PRKCZ: variants seen among roughly 807,000 people sequenced by gnomAD.
The protein encoded by PRKCZ is protein kinase C zeta, also known as protein kinase C zeta type.
A neutral mutation model predicts 79.5 loss-of-function variants in PRKCZ; 33 were observed. The ratio of observed to expected loss-of-function variants is 0.41; its 90% CI spans 0.31 to 0.55. PRKCZ has a LOEUF of 0.55. Ranked by LOEUF, PRKCZ falls within the 20% of genes least tolerant of loss-of-function variation. PRKCZ has a pLI of 0.19. For missense variants in PRKCZ, 578 were observed against 813.5 expected, an observed-to-expected ratio of 0.71 and a Z score of 3.52; for synonymous variants, 342 against 320.9, an observed-to-expected ratio of 1.07 and a Z score of -0.70.
intron 3 of PRKCZ, among the ~76,000 whole-genome samples, chr1:2,058,305 A>AGTTTTTTTTTTTTT: frequency 7.1e-6 from 1 of 140,294 alleles, no homozygotes; most frequent in African/African-American, 2.9e-5. Context: ...GCCCGGCCCC[A>AGTTTTTTTTTTTTT]ATTTTTTTTT....
intron 7 of PRKCZ, 122 bp downstream of exon 7, chr1:2,146,230 G>T (rs1678485043): frequency 2.1e-6 from 2 of 962,054 alleles, no homozygotes; most frequent in East Asian, 2.6e-5. Context: ...TTGTCTTCAA[G>T]CCTGGCCACC....
At chr1:2,157,720 T>TG (rs1034761372) in intron 10 of PRKCZ, among the ~76,000 whole-genome samples, 2 of 151,226 alleles carry the variant, frequency 1.3e-5, no homozygotes, top group Non-Finnish European at 2.9e-5. Flanking sequence ...GAGTTTTTTT[T>TG]TTTTTTTTTT....
intron 6 of PRKCZ, 49 bp from the exon 7 acceptor site, chr1:2,145,978 A>G (rs761959958): frequency 2.7e-6 from 4 of 1,499,236 alleles, no homozygotes. Flanking sequence ...ACATTGTAAC[A>G]CCTGCTCTAG....
chr1:2,185,039 G>GT lies in PRKCZ; in HGVS notation c.*31dup, dbSNP rs758817662. ...GCGTGCGTCTCTGTCGTGGACACGC[G>GT]TGATTGACCCTTTAACTGTATCCTT... is the stretch of plus-strand genomic sequence containing the variant. On this transcript the variant is annotated 3_prime_UTR_variant, in exon 18 of 18. Coordinates refer to ENST00000378567, the MANE Select transcript of PRKCZ (RefSeq NM_002744.6). 36 of 1,569,968 alleles carry GT rather than the reference G, an allele frequency of 2.3e-5. No homozygotes were observed. The highest frequency in any genetic ancestry group is 3.1e-5 in the Non-Finnish European group (36 of 1,147,448).
intron 1 of PRKCZ, among the ~76,000 whole-genome samples, chr1:2,051,565 G>C (rs1198404716): frequency 6.6e-6 from 1 of 152,222 alleles, no homozygotes; most frequent in East Asian, 1.9e-4. Flanking sequence ...TGCGGGCTCC[G>C]GACTTGCACT....
intron 4 of PRKCZ, among the ~76,000 whole-genome samples, chr1:2,060,129 C>T (rs570628978): frequency 2.0e-5 from 3 of 152,254 alleles, no homozygotes; most frequent in Non-Finnish European, 4.4e-5. Flanking sequence ...TCTCGGGCCG[C>T]GCATCCCATG....
intron 3 of PRKCZ, among the ~76,000 whole-genome samples, chr1:2,058,818 C>T (rs1171500083): frequency 6.6e-6 from 1 of 152,146 alleles, no homozygotes; most frequent in Non-Finnish European, 1.5e-5. Flanking sequence ...ACTGCTGGAA[C>T]CCGAGAGGTG....
In PRKCZ at chr1:2,168,935, C is replaced by T. The variant is rs1337238505; in HGVS notation, c.975-583C>T. 1.5e-5 allele frequency: 5 copies of T among 332,846 alleles called. No homozygotes were observed. Among genetic ancestry groups the T allele is most frequent in the Non-Finnish European group, 2.5e-5 (4 of 163,198 alleles). The allele number at this position is 332,846 out of a possible 1,614,324, so 20.6% of individuals were successfully genotyped here. A position where few individuals can be genotyped will look rare whatever the true frequency, so the allele number is the denominator to read the frequency against. ...GGCCCAGTCCCTGAGACGGGAAGGG[C>T]CTGCGTGGTCCTGATGACATCTGCG... On this transcript the variant is annotated intron_variant, in intron 10 of 17. Transcript: ENST00000378567. The surrounding 1 kb of genome is among the most constrained non-coding windows in gnomAD (Gnocchi z 4.7).
At chr1:2,061,285 C>T (rs1660650924) in intron 4 of PRKCZ, among the ~76,000 whole-genome samples, 1 of 152,182 alleles carries the variant, frequency 6.6e-6, no homozygotes, top group Admixed American at 6.5e-5. Context: ...TGCCTGGGGG[C>T]CTGGGGTCTG....
At chr1:2,080,898 G>T (rs2102387434) in intron 4 of PRKCZ, among the ~76,000 whole-genome samples, 1 of 152,292 alleles carries the variant, frequency 6.6e-6, no homozygotes, top group African/African-American at 2.4e-5. Flanking sequence ...CCCTTCGCTG[G>T]GGTTTGCCTC....
chr1:2,177,554 C>T lies in PRKCZ; in HGVS notation c.1575+2241C>T, dbSNP rs1161531808. On this transcript the variant is annotated intron_variant, in intron 16 of 17. Coordinates refer to ENST00000378567, the MANE Select transcript of PRKCZ (RefSeq NM_002744.6). The surrounding 1 kb of genome is among the most constrained non-coding windows in gnomAD (Gnocchi z 6.4). ...TGTGGAGTGACGGGCTCCTTCTCTT[C>T]GGAGCACTGTCTAATCTGAGTGTGA... 1.3e-5 allele frequency among the ~76,000 whole-genome samples: 2 copies of T among 152,186 alleles called. No homozygotes were observed. Among genetic ancestry groups the T allele is most frequent in the African/African-American group, 4.8e-5 (2 of 41,440 alleles).
chr1:2,145,220 T>G (rs559590236), intron 6 of PRKCZ: 1 of 152,398 alleles, frequency 6.6e-6, no homozygotes, highest in South Asian at 2.1e-4. Context: ...TAGGTCCACT[T>G]TAGCGTAAGC....
At position 2,121,729 on chromosome 1, in the gene PRKCZ, T is replaced by TGGTTAGGGTC. The variant is rs1672084240; in HGVS notation, c.335-13533_335-13532insGGTTAGGGTC. ...ACGGTGGTAGTTAGGGTCACGGCGG[T>TGGTTAGGGTC]ACTTAGGGTCACGGCGGTGGTTAGG... On this transcript the variant is annotated intron_variant, in intron 4 of 17. Coordinates refer to ENST00000378567, the MANE Select transcript of PRKCZ (RefSeq NM_002744.6). Among the ~76,000 whole-genome samples the TGGTTAGGGTC allele has an allele frequency of 5.8e-5, 4 of 69,104 alleles. 2 individuals are homozygous for TGGTTAGGGTC. The highest frequency in any genetic ancestry group is 2.6e-4 in the African/African-American group (4 of 15,098). 45.3% of individuals were successfully genotyped at this position (69,104 alleles called of 152,430 possible). A position where few individuals can be genotyped will look rare whatever the true frequency, so the allele number is the denominator to read the frequency against.
intron 2 of PRKCZ, 157 bp downstream of exon 2, chr1:2,055,719 G>A: frequency 2.6e-6 from 3 of 1,162,846 alleles, no homozygotes; most frequent in Non-Finnish European, 3.5e-6. Context: ...GGGATGGTGG[G>A]AAAGAGGTTG....
chr1:2,055,428 C>T lies in PRKCZ; in HGVS notation c.72-13C>T, dbSNP rs117071533. ...CCCCACGGTAACAGATGCCCATGTCCCCTCTGCCCCAGGGACATCTTCATC... is the reference window on the plus strand; with the variant it reads ...CCCCACGGTAACAGATGCCCATGTCTCCTCTGCCCCAGGGACATCTTCATC... On this transcript the variant is annotated splice_polypyrimidine_tract_variant and intron_variant, in intron 1 of 17. Coordinates refer to ENST00000378567, the MANE Select transcript of PRKCZ (RefSeq NM_002744.6). The T allele has an allele frequency of 7.1e-5, 114 of 1,597,264 alleles. No homozygotes were observed. The East Asian group carries it at 2.5e-3, about 35-fold the overall frequency.
intron 4 of PRKCZ, chr1:2,073,684 C>T (rs905553061): frequency 1.7e-5 from 17 of 992,406 alleles, no homozygotes; most frequent in Middle Eastern, 5.1e-4. Flanking sequence ...TACAGCTTCC[C>T]GGGGGAGCCG....
intron 5 of PRKCZ, chr1:2,143,638 C>G (rs1677866264): frequency 6.6e-6 from 1 of 152,264 alleles, no homozygotes; most frequent in African/African-American, 2.4e-5. Flanking sequence ...TGGAATTGTT[C>G]AGAACCATGA....
At chr1:2,134,528 T>TG (rs1436550247) in intron 4 of PRKCZ, among the ~76,000 whole-genome samples, 1 of 152,212 alleles carries the variant, frequency 6.6e-6, no homozygotes, top group African/African-American at 2.4e-5. Flanking sequence ...GCCGTCTGGT[T>TG]ACAGGCTTGG....
At chr1:2,139,877 C>T (rs1253248191) in intron 5 of PRKCZ, among the ~76,000 whole-genome samples, 1 of 152,218 alleles carries the variant, frequency 6.6e-6, no homozygotes, top group Non-Finnish European at 1.5e-5. Flanking sequence ...CACTCCACCA[C>T]GTGGGGTATA....
Sources: gnomAD v4.1 joint callset for allele counts (sites outside exome capture counted in the v4.1 genomes callset) on GRCh38, gnomAD v4.1.1 for gene constraint, Gnocchi (gnomAD v3.1) non-coding constraint, MANE v1.5 for transcripts, NCBI Gene and HGNC (gene_info 2026-07-23, HGNC 2026-07-21) for gene names.